The following WWOX variants were observed in gnomAD, a reference collection of about 807,000 sequenced individuals.
WWOX encodes WW domain-containing oxidoreductase.
In WWOX, 69 loss-of-function variants were observed where a neutral mutation model predicts 46.2. The observed-to-expected ratio is 1.49, with a 90% CI of 1.23 to 1.82. The LOEUF (loss-of-function observed/expected upper bound fraction) is 1.82, where lower values mean the gene tolerates loss of function less well. Ranked by LOEUF, WWOX falls within the 40% of genes most tolerant of loss-of-function variation. The pLI, the probability that WWOX is intolerant of heterozygous loss-of-function variation, is 0.00. For missense variants in WWOX, 919 were observed against 542.6 expected (o/e 1.69, Z -6.89); for synonymous variants, 359 against 202.6 (o/e 1.77, Z -6.56).
intron 8 of WWOX, among the ~76,000 whole-genome samples, chr16:78,927,976 TTGTGTG>T: frequency 6.6e-6 from 1 of 151,818 alleles, no homozygotes; most frequent in East Asian, 1.9e-4. Context: ...CTCAGGGTTT[TTGTGTG>T]TGTGTGTATG....
chr16:78,578,134 A>G (rs1416411071), intron 8 of WWOX, among the ~76,000 whole-genome samples: 2 of 151,278 alleles, frequency 1.3e-5, no homozygotes, highest in East Asian at 3.9e-4. Flanking sequence ...CTATGCACTA[A>G]TTAAGCTGTT....
chr16:78,956,070 G>C (rs780950480), intron 8 of WWOX, among the ~76,000 whole-genome samples: 2 of 152,060 alleles, frequency 1.3e-5, no homozygotes, highest in African/African-American at 4.8e-5. Flanking sequence ...AGTACAGAGA[G>C]TTCCCGTATA....
intron 6 of WWOX, among the ~76,000 whole-genome samples, chr16:78,389,787 G>A (rs995560552): frequency 2.0e-5 from 3 of 152,144 alleles, no homozygotes; most frequent in Non-Finnish European, 4.4e-5. Flanking sequence ...GTCTCGCTGT[G>A]TTGCCCAGGC....
At chr16:78,321,280 ATATATATATACG>A (rs747886857) in intron 5 of WWOX, among the ~76,000 whole-genome samples, 8,544 of 144,096 alleles carry the variant, frequency 0.059, 874 homozygotes, top group Admixed American at 0.12. Flanking sequence ...TTTTTTAAAT[ATATATATATACG>A]TATATATATA....
rs1280247661 is a variant in WWOX, at chr16:78,903,442, G to C, written c.1057-308166G>C. 2.0e-5 allele frequency among the ~76,000 whole-genome samples: 3 copies of C among 152,310 alleles called. No homozygotes were observed. In the East Asian group the frequency reaches 5.8e-4, roughly 29 times the overall value. ...GCAACCCATCAGAGGCTGAAGTGAAGTTACAAAGTTACACTCCTATGCAAA... is the reference window on the plus strand; with the variant it reads ...GCAACCCATCAGAGGCTGAAGTGAACTTACAAAGTTACACTCCTATGCAAA... On this transcript the variant is annotated intron_variant, in intron 8 of 8. Transcript: ENST00000566780.
At chr16:78,540,020 TCACACACACA>T (rs71140810) in intron 8 of WWOX, among the ~76,000 whole-genome samples, 4 of 132,922 alleles carry the variant, frequency 3.0e-5, no homozygotes, top group Middle Eastern at 3.7e-3. Context: ...TCTCTCTCTC[TCACACACACA>T]CACACACACA....
intron 8 of WWOX, among the ~76,000 whole-genome samples, chr16:79,077,714 T>G (rs769656383): frequency 2.4e-4 from 36 of 151,818 alleles, no homozygotes; most frequent in Non-Finnish European, 4.7e-4. Context: ...AAGAATTGTG[T>G]GTTGGTGTAA....
rs962060502 is a variant in WWOX at position 78,762,428 on chromosome 16, G to A, written c.1056+329676G>A. 2.6e-5 allele frequency among the ~76,000 whole-genome samples: 4 copies of A among 152,248 alleles called. No homozygotes were observed. The East Asian group carries it at 5.8e-4, about 22-fold the overall frequency. On this transcript the variant is annotated intron_variant, in intron 8 of 8. Transcript: ENST00000566780. ...TACTTTAGAAGGGGAACTGCTCACC[G>A]CCCCCACTTCCCACTGAGTCGAATA... is the stretch of plus-strand genomic sequence containing the variant.
chr16:78,836,928 C>G (rs1010971809), intron 8 of WWOX, among the ~76,000 whole-genome samples: 2 of 151,974 alleles, frequency 1.3e-5, no homozygotes, highest in African/African-American at 2.4e-5. Flanking sequence ...AGGTTGGCAG[C>G]AAAATATGAG....
chr16:79,210,292 G>A (rs555015019), intron 8 of WWOX, among the ~76,000 whole-genome samples: 10 of 152,084 alleles, frequency 6.6e-5, no homozygotes, highest in South Asian at 2.1e-4. Context: ...TCTTCACGTC[G>A]TAACACCTTC....
chr16:78,368,209 G>C (rs1466690711), intron 5 of WWOX, among the ~76,000 whole-genome samples: 1 of 152,156 alleles, frequency 6.6e-6, no homozygotes, highest in East Asian at 1.9e-4. Context: ...GTGAACAGAG[G>C]TTATGTTCTC....
intron 8 of WWOX, among the ~76,000 whole-genome samples, chr16:78,618,506 T>C (rs994187181): frequency 2.2e-4 from 33 of 152,164 alleles, no homozygotes; most frequent in African/African-American, 7.0e-4. Context: ...ACTGGTCATA[T>C]TGGATTAGGG....
intron 8 of WWOX, among the ~76,000 whole-genome samples, chr16:78,618,653 C>T (rs543576952): frequency 6.6e-5 from 10 of 152,200 alleles, no homozygotes; most frequent in South Asian, 2.1e-4. Flanking sequence ...TCATAAGAGA[C>T]CTCTTCTCAA....
intron 8 of WWOX, among the ~76,000 whole-genome samples, chr16:78,747,750 G>A (rs1402440207): frequency 6.6e-6 from 1 of 152,160 alleles, no homozygotes; most frequent in Non-Finnish European, 1.5e-5. Flanking sequence ...AGCTTATCCA[G>A]CCTACAGAGG....
intron 8 of WWOX, among the ~76,000 whole-genome samples, chr16:79,027,162 C>G (rs545985300): frequency 6.6e-6 from 1 of 150,934 alleles, no homozygotes; most frequent in East Asian, 2.0e-4. Context: ...TGCCTGTAGT[C>G]CCAGCTACTC....
chr16:78,844,909 G>T (rs1035321273), intron 8 of WWOX, among the ~76,000 whole-genome samples: 2 of 152,142 alleles, frequency 1.3e-5, no homozygotes, highest in Non-Finnish European at 2.9e-5. Context: ...AGTGGTTGCT[G>T]ACTCTCAGGA....
At chr16:78,951,909 C>T (rs1020594960) in intron 8 of WWOX, among the ~76,000 whole-genome samples, 4 of 152,152 alleles carry the variant, frequency 2.6e-5, no homozygotes, top group East Asian at 3.9e-4. Context: ...TGGAATCCAG[C>T]AGGGGCCATT....
At chr16:78,219,432 C>T (rs557275121) in intron 5 of WWOX, among the ~76,000 whole-genome samples, 1 of 152,224 alleles carries the variant, frequency 6.6e-6, no homozygotes, top group African/African-American at 2.4e-5. Flanking sequence ...ACAAAATGCA[C>T]AGCCAGATAA....
chr16:78,973,947 C>G (rs77313634), intron 8 of WWOX, among the ~76,000 whole-genome samples: 2,490 of 152,294 alleles, frequency 0.016, 66 homozygotes, highest in African/African-American at 0.055. Context: ...TTTAACATTA[C>G]CTATCCTACG....
Sources: gnomAD v4.1 joint callset for allele counts (sites outside exome capture counted in the v4.1 genomes callset) on GRCh38, gnomAD v4.1.1 for gene constraint, MANE v1.5 for transcripts, NCBI Gene and HGNC (gene_info 2026-07-23, HGNC 2026-07-21) for gene names.